Variants in AGO2 observed in about 807,000 individuals in gnomAD.
AGO2 encodes argonaute RISC catalytic component 2, also known as protein argonaute-2.
In AGO2, 5 loss-of-function variants were observed where a neutral mutation model predicts 102.3. That is an observed-to-expected ratio of 0.05 (90% CI 0.03 to 0.10). AGO2 has a LOEUF of 0.10. AGO2 is among the 10% of genes least tolerant of loss of function. The pLI, the probability that AGO2 is intolerant of heterozygous loss-of-function variation, is 1.00. For missense variants in AGO2, 541 were observed against 1,183.7 expected, an observed-to-expected ratio of 0.46 and a Z score of 7.97; for synonymous variants, 449 against 473.1, an observed-to-expected ratio of 0.95 and a Z score of 0.66.
chr8:140,631,543 A>G (rs568169239), intron 1 of AGO2, among the ~76,000 whole-genome samples: 34 of 152,216 alleles, frequency 2.2e-4, no homozygotes, highest in African/African-American at 7.9e-4. Context: ...TCTCAAAAAA[A>G]AAAAAAAGAA....
Position 140,535,517 on chromosome 8 carries a change from G to A in AGO2, c.2222C>T (p.Thr741Ile). ...PAGTTVDTKI[T>I]HPTEFDFYLC... Reference sequence around the variant, plus strand: ...GTAGAAGTCGAACTCGGTGGGGTGGGTGATTTTCGTGTCCACAGTCGTGCC... The same window carrying A: ...GTAGAAGTCGAACTCGGTGGGGTGGATGATTTTCGTGTCCACAGTCGTGCC... Residue 741 changes from threonine to isoleucine, a missense_variant, in exon 17 of 19, where the codon ACC becomes ATC. Coordinates refer to ENST00000220592, the MANE Select transcript of AGO2 (RefSeq NM_012154.5). 1.9e-6 allele frequency: 3 copies of A among 1,614,268 alleles called. No homozygotes were observed. Among genetic ancestry groups the A allele is most frequent in the East Asian group, 2.2e-5 (1 of 44,882 alleles).
At chr8:140,627,178 G>C (rs954586828) in intron 1 of AGO2, among the ~76,000 whole-genome samples, 6 of 152,228 alleles carry the variant, frequency 3.9e-5, no homozygotes, top group East Asian at 1.9e-4. Flanking sequence ...TGGGAATGTG[G>C]GTCCCACGGG....
At chr8:140,625,243 T>C (rs1431289351) in intron 1 of AGO2, among the ~76,000 whole-genome samples, 2 of 152,190 alleles carry the variant, frequency 1.3e-5, no homozygotes, top group Non-Finnish European at 2.9e-5. Flanking sequence ...GTAGCTGGAA[T>C]TACAGGCGCC....
intron 1 of AGO2, among the ~76,000 whole-genome samples, chr8:140,605,128 C>G (rs930924719): frequency 2.0e-5 from 3 of 152,070 alleles, no homozygotes; most frequent in Non-Finnish European, 4.4e-5. Flanking sequence ...TGGGGTCTTC[C>G]TCTCTTACTG....
chr8:140,631,913 T>C (rs1417850025), intron 1 of AGO2, among the ~76,000 whole-genome samples: 1 of 152,210 alleles, frequency 6.6e-6, no homozygotes, highest in East Asian at 1.9e-4. Flanking sequence ...TCCTAATGGA[T>C]AAATGGAGGG....
At chr8:140,570,814 C>T (rs1443128350) in intron 3 of AGO2, among the ~76,000 whole-genome samples, 2 of 152,152 alleles carry the variant, frequency 1.3e-5, no homozygotes, top group African/African-American at 4.8e-5. Flanking sequence ...CTAGTTTTAC[C>T]CCAGAGTTTG....
rs1287174085 is a variant in AGO2 at position 140,557,657 on chromosome 8, G to A, written c.879-421C>T. ...GAGGAAAGCAGGCCAGGCCGGTTCC[G>A]GCCGCACGGTGACGGCAGGAGACGC... is the stretch of plus-strand genomic sequence containing the variant. On this transcript the variant is annotated intron_variant, in intron 7 of 18. Coordinates refer to ENST00000220592, the MANE Select transcript of AGO2 (RefSeq NM_012154.5). The surrounding 1 kb of genome is among the most constrained non-coding windows in gnomAD (Gnocchi z 5.9). Among the ~76,000 whole-genome samples the A allele has an allele frequency of 2.0e-5, 3 of 152,224 alleles. No homozygotes were observed. Among genetic ancestry groups the A allele is most frequent in the Non-Finnish European group, 2.9e-5 (2 of 68,040 alleles).
intron 1 of AGO2, among the ~76,000 whole-genome samples, chr8:140,629,985 C>A (rs898749002): frequency 6.6e-6 from 1 of 151,968 alleles, no homozygotes; most frequent in African/African-American, 2.4e-5. Flanking sequence ...CCCACACAGC[C>A]CGGTTCCTGG....
At position 140,594,983 on chromosome 8, in the gene AGO2, G is replaced by A. The variant is rs964912581; in HGVS notation, c.23-9672C>T. 3.9e-5 allele frequency among the ~76,000 whole-genome samples: 6 copies of A among 152,162 alleles called. No individual in the cohort carries two copies. The East Asian group carries it at 9.6e-4, about 24-fold the overall frequency. On this transcript the variant is annotated intron_variant, in intron 1 of 18. Coordinates refer to ENST00000220592, the MANE Select transcript of AGO2 (RefSeq NM_012154.5). ...ATCAAAAACTCCAACAGGAAATGGT[G>A]AGGGATATGACTGGATAGTGCATGA...
chr8:140,566,761 T>C (rs922259103), intron 3 of AGO2, among the ~76,000 whole-genome samples: 2 of 152,172 alleles, frequency 1.3e-5, no homozygotes, highest in African/African-American at 2.4e-5. Context: ...ACAGAGTCTC[T>C]ATGGGCCCAG....
At chr8:140,551,105 G>A (rs1588448386) in intron 11 of AGO2, among the ~76,000 whole-genome samples, 198 bp downstream of exon 11, 2 of 152,306 alleles carry the variant, frequency 1.3e-5, no homozygotes, top group East Asian at 3.9e-4. Flanking sequence ...GGAGTGAGAG[G>A]GGCACCAATG....
intron 12 of AGO2, among the ~76,000 whole-genome samples, chr8:140,548,789 T>C (rs1279934428): frequency 6.6e-6 from 1 of 152,088 alleles, no homozygotes; most frequent in Non-Finnish European, 1.5e-5. Context: ...GGTGCAACGC[T>C]CTGTGCGTTA....
chr8:140,571,710 T>C (rs1256981028), intron 3 of AGO2, among the ~76,000 whole-genome samples: 3 of 152,198 alleles, frequency 2.0e-5, no homozygotes, highest in Admixed American at 6.5e-5. Context: ...AAACTCCTGG[T>C]TTCTGATGTG....
At chr8:140,629,324 G>A (rs960932445) in intron 1 of AGO2, among the ~76,000 whole-genome samples, 1 of 152,098 alleles carries the variant, frequency 6.6e-6, no homozygotes, top group African/African-American at 2.4e-5. Context: ...GGATTCGTGG[G>A]GAATGTGCTG....
At chr8:140,636,353 G>C (rs1276920382), upstream of AGO2, 2 of 152,248 alleles carry the variant, frequency 1.3e-5, no homozygotes, top group African/African-American at 4.8e-5. Flanking sequence ...TCAGGGGCCT[G>C]CTCGGACCGT....
intron 1 of AGO2, among the ~76,000 whole-genome samples, chr8:140,624,512 C>T (rs73713201): frequency 0.041 from 6,196 of 152,304 alleles, 427 homozygotes; most frequent in African/African-American, 0.14. Flanking sequence ...ACAGAGGGCA[C>T]GCCGGGCTAC....
Position 140,547,613 on chromosome 8 carries a change from C to T in AGO2, c.1603G>A (p.Val535Met), listed in dbSNP as rs767897587. Residue 535 changes from valine to methionine, a missense_variant, in exon 13 of 19, where the codon GTG becomes ATG. Coordinates refer to ENST00000220592, the MANE Select transcript of AGO2 (RefSeq NM_012154.5). ...KTPVYAEVKR[V>M]GDTVLGMATQ... ...GCCATCCCCAGCACCGTGTCTCCCA[C>T]GCGCTTGACCTCGGCTAAGGGACAT... 3 of 1,613,310 alleles carry T rather than the reference C, an allele frequency of 1.9e-6. No homozygotes were observed. Among genetic ancestry groups the T allele is most frequent in the Non-Finnish European group, 1.7e-6 (2 of 1,179,616 alleles).
In AGO2 at chr8:140,566,621, G is replaced by C. The variant is rs2977458; in HGVS notation, c.337-3987C>G. 6.1e-3 allele frequency among the ~76,000 whole-genome samples: 903 copies of C among 148,174 alleles called. 16 individuals are homozygous for C. In the East Asian group the frequency reaches 0.065, roughly 11 times the overall value. On this transcript the variant is annotated intron_variant, in intron 3 of 18. Transcript: ENST00000220592. ...TACTTTCTTTTTTTTTTTTTTTTGGGGGGGGGGAAGGTGTCCCGCTCTCAG... is the reference window on the plus strand; with the variant it reads ...TACTTTCTTTTTTTTTTTTTTTTGGCGGGGGGGAAGGTGTCCCGCTCTCAG...
upstream of AGO2, among the ~76,000 whole-genome samples, chr8:140,635,928 G>T (rs561053794): frequency 6.7e-6 from 1 of 148,618 alleles, no homozygotes; most frequent in Non-Finnish European, 1.5e-5. Flanking sequence ...CCCGTGTGGC[G>T]CGGGGGCGGG....
Sources: gnomAD v4.1 joint callset for allele counts (sites outside exome capture counted in the v4.1 genomes callset) on GRCh38, gnomAD v4.1.1 for gene constraint, Gnocchi (gnomAD v3.1) non-coding constraint, MANE v1.5 for transcripts, NCBI Gene and HGNC (gene_info 2026-07-23, HGNC 2026-07-21) for gene names.